The following TOP1 variants were observed in gnomAD, a reference collection of about 807,000 sequenced individuals.
The protein encoded by TOP1 is DNA topoisomerase I, also known as DNA topoisomerase 1.
A neutral mutation model predicts 111.1 loss-of-function variants in TOP1; 10 were observed. That is an observed-to-expected ratio of 0.09 (90% CI 0.06 to 0.15). The LOEUF (loss-of-function observed/expected upper bound fraction) is 0.15, where lower values mean the gene tolerates loss of function less well. Among genes scored for constraint, TOP1 ranks in the 10% least tolerant of loss-of-function variants. The pLI is 1.00. For synonymous variants in TOP1, 271 were observed against 302.9 expected (o/e 0.89, Z 1.10); for missense variants, 474 against 926.7 (o/e 0.51, Z 6.34).
chr20:41,053,441 G>C (rs1174861688), intron 2 of TOP1, among the ~76,000 whole-genome samples: 2 of 152,124 alleles, frequency 1.3e-5, no homozygotes, highest in African/African-American at 2.4e-5. Context: ...CCTAGATTCA[G>C]TATTTTTACT....
intron 3 of TOP1, chr20:41,073,260 A>G (rs2033687953): frequency 2.0e-6 from 2 of 985,356 alleles, no homozygotes; most frequent in Non-Finnish European, 2.4e-6. Context: ...ATTCTAAGAA[A>G]TGCTTTCACT....
intron 14 of TOP1, among the ~76,000 whole-genome samples, chr20:41,113,702 TCTA>T (rs1474045189): frequency 2.1e-5 from 3 of 143,632 alleles, no homozygotes; most frequent in African/African-American, 7.5e-5. Context: ...AAACCCCATC[TCTA>T]CTAAAAATAC....
At chr20:41,096,598 A>G (rs2033986191) in intron 9 of TOP1, among the ~76,000 whole-genome samples, 1 of 152,190 alleles carries the variant, frequency 6.6e-6, no homozygotes, top group South Asian at 2.1e-4. Context: ...AAACTCCCAC[A>G]TGATGCCAAT....
In TOP1 at chr20:41,116,091, A is replaced by G. The variant is rs1258843413; in HGVS notation, c.1708-187A>G. 6.6e-6 allele frequency among the ~76,000 whole-genome samples: 1 copy of G among 152,160 alleles called. No homozygotes were observed. The highest frequency in any genetic ancestry group is 1.5e-5 in the Non-Finnish European group (1 of 68,018). ...TGTCATACACACACACAAAGATTGA[A>G]ATACTTCATAGAGAGGCATCATGTA... On this transcript the variant is annotated intron_variant, in intron 16 of 20. Coordinates refer to ENST00000361337, the MANE Select transcript of TOP1 (RefSeq NM_003286.4). This position sits in a 1 kb window ranked among gnomAD's most constrained non-coding sequence, Gnocchi z 5.6.
rs2033972527 is a variant in TOP1 at position 41,095,643 on chromosome 20, C to T, written c.731-1577C>T. Reference sequence around the variant, plus strand: ...TTCAATATTGTGCTACAGTTCTCTACACCCCTGCAAAGTCAGATTGCATAT... The same window carrying T: ...TTCAATATTGTGCTACAGTTCTCTATACCCCTGCAAAGTCAGATTGCATAT... On this transcript the variant is annotated intron_variant, in intron 9 of 20. Transcript: ENST00000361337. This position sits in a 1 kb window ranked among gnomAD's most constrained non-coding sequence, Gnocchi z 4.6. Among the ~76,000 whole-genome samples, 1 of 152,196 alleles carries T rather than the reference C, an allele frequency of 6.6e-6. No individual in the cohort carries two copies. Among genetic ancestry groups the T allele is most frequent in the Non-Finnish European group, 1.5e-5 (1 of 68,044 alleles).
intron 8 of TOP1, among the ~76,000 whole-genome samples, chr20:41,088,980 G>A (rs1254194098): frequency 2.9e-5 from 4 of 137,364 alleles, no homozygotes; most frequent in African/African-American, 1.1e-4. Context: ...CTGAAACTCT[G>A]TAGTTATTAA....
chr20:41,093,089 A>G (rs2033939743), intron 9 of TOP1, among the ~76,000 whole-genome samples: 7 of 152,148 alleles, frequency 4.6e-5, no homozygotes, highest in Admixed American at 4.6e-4. Context: ...GCATAACACT[A>G]TGCCTTTGAT....
At chr20:41,041,884 G>GAGT (rs1478794359) in intron 2 of TOP1, among the ~76,000 whole-genome samples, 36 of 125,000 alleles carry the variant, frequency 2.9e-4, no homozygotes, top group African/African-American at 1.3e-3. Context: ...AAAGCTTACA[G>GAGT]GGTGATGATG....
chr20:41,085,720 A>T (rs1326625780), intron 8 of TOP1, among the ~76,000 whole-genome samples: 3 of 152,104 alleles, frequency 2.0e-5, no homozygotes, highest in African/African-American at 7.2e-5. Context: ...AGCCTTCCAA[A>T]CCTGTTTATG....
Position 41,075,413 on chromosome 20 carries a change from C to T in TOP1, c.156-758C>T, listed in dbSNP as rs550287404. On this transcript the variant is annotated intron_variant, in intron 3 of 20. Coordinates refer to ENST00000361337, the MANE Select transcript of TOP1 (RefSeq NM_003286.4). ...GTCTCAGTCTCCTGACCTCGTGATC[C>T]GCCTGCCTCGGCCTTCCAAAGTGCT... 2.4e-4 allele frequency among the ~76,000 whole-genome samples: 37 copies of T among 152,286 alleles called. 1 individual carries two copies. The highest frequency in any genetic ancestry group is 8.4e-4 in the African/African-American group (35 of 41,556).
Position 41,084,506 on chromosome 20 carries a change from A to T in TOP1, c.552A>T (p.Lys184Asn). ...CCAAGAATAAAGATAAAGATAAAAA[A>T]GTTCCTGAGCCAGATAACAAGAAAA... ...KKPKNKDKDK[K>N]VPEPDNKKKK... is the part of the protein sequence containing the mutation. The change falls in exon 8 of 21, where the codon AAA (lysine) becomes AAT (asparagine). Residue 184 changes from lysine to asparagine, a missense_variant. Physicochemically the swap from Lys to Asn is moderately conservative, Grantham distance 94. Transcript: ENST00000361337. 3 of 1,578,428 alleles carry T rather than the reference A, an allele frequency of 1.9e-6. No homozygotes were observed. The highest frequency in any genetic ancestry group is 2.6e-6 in the Non-Finnish European group (3 of 1,161,520).
chr20:41,068,702 A>C (rs1028214946), intron 3 of TOP1, among the ~76,000 whole-genome samples: 1 of 151,622 alleles, frequency 6.6e-6, no homozygotes, highest in Non-Finnish European at 1.5e-5. Flanking sequence ...GCCCTCTTTT[A>C]AAAAATACAT....
Position 41,101,117 on chromosome 20 carries a change from T to G in TOP1, c.1164-92T>G, listed in dbSNP as rs1013295520. ...ACTGTTAAGAAGGAAACTTGGAAAATTATGCTCAGCAGATAGGTCCACTTG... is the reference window on the plus strand; with the variant it reads ...ACTGTTAAGAAGGAAACTTGGAAAAGTATGCTCAGCAGATAGGTCCACTTG... On this transcript the variant is annotated intron_variant, in intron 12 of 20. Coordinates refer to ENST00000361337, the MANE Select transcript of TOP1 (RefSeq NM_003286.4). The surrounding 1 kb of genome is among the most constrained non-coding windows in gnomAD (Gnocchi z 4.1). 7.1e-7 allele frequency: 1 copy of G among 1,407,092 alleles called. No homozygotes were observed. Among genetic ancestry groups the G allele is most frequent in the South Asian group, 1.3e-5 (1 of 79,080 alleles). 87.2% of individuals were successfully genotyped at this position (1,407,092 alleles called of 1,614,324 possible). A position where few individuals can be genotyped will look rare whatever the true frequency, so the allele number is the denominator to read the frequency against.
At position 41,076,165 on chromosome 20, in the gene TOP1, T is replaced by C. The variant is rs2033725156; in HGVS notation, c.156-6T>C. 6.2e-7 allele frequency: 1 copy of C among 1,606,226 alleles called. No homozygotes were observed. Among genetic ancestry groups the C allele is most frequent in the Admixed American group, 1.7e-5 (1 of 58,526 alleles). On this transcript the variant is annotated splice_polypyrimidine_tract_variant and splice_region_variant and intron_variant, in intron 3 of 20. Coordinates refer to ENST00000361337, the MANE Select transcript of TOP1 (RefSeq NM_003286.4). ...GGCTAACGCTTTGTGACTTAACTTT[T>C]TACAGTGAACATAAAGATTCTGAAA...
chr20:41,065,301 C>G (rs532946038), intron 3 of TOP1, among the ~76,000 whole-genome samples: 33 of 152,330 alleles, frequency 2.2e-4, no homozygotes, highest in Admixed American at 1.0e-3. Context: ...AGTGGATGAT[C>G]TATGGGTACA....
intron 3 of TOP1, among the ~76,000 whole-genome samples, chr20:41,074,936 T>A (rs1418331478): frequency 6.6e-6 from 1 of 152,262 alleles, no homozygotes; most frequent in Non-Finnish European, 1.5e-5. Context: ...TTTGACCACA[T>A]GCATGTTTTT....
chr20:41,087,407 A>C (rs1301646136), intron 8 of TOP1, among the ~76,000 whole-genome samples: 2 of 152,246 alleles, frequency 1.3e-5, no homozygotes, highest in African/African-American at 4.8e-5. Flanking sequence ...TTGCCAGTTA[A>C]TTCTCAACAG....
chr20:41,033,000 C>G lies in TOP1; in HGVS notation c.58+3545C>G, dbSNP rs896859286. On this transcript the variant is annotated intron_variant, in intron 2 of 20. Coordinates refer to ENST00000361337, the MANE Select transcript of TOP1 (RefSeq NM_003286.4). The surrounding 1 kb of genome is among the most constrained non-coding windows in gnomAD (Gnocchi z 4.3). ...GTGGTTTTCTTCCCTTACATTGCAA[C>G]TGGACTCCTTGAGGCACCTTTTTAG... Among the ~76,000 whole-genome samples the G allele has an allele frequency of 6.6e-6, 1 of 152,186 alleles. No individual in the cohort carries two copies. The highest frequency in any genetic ancestry group is 2.4e-5 in the African/African-American group (1 of 41,446).
At chr20:41,048,843 A>AG (rs1230835041) in intron 2 of TOP1, among the ~76,000 whole-genome samples, 1 of 152,222 alleles carries the variant, frequency 6.6e-6, no homozygotes, top group Non-Finnish European at 1.5e-5. Context: ...AACCAGAGGA[A>AG]GATAAGAAGA....
Sources: gnomAD v4.1 joint callset for allele counts (sites outside exome capture counted in the v4.1 genomes callset) on GRCh38, gnomAD v4.1.1 for gene constraint, Gnocchi (gnomAD v3.1) non-coding constraint, MANE v1.5 for transcripts, NCBI Gene and HGNC (gene_info 2026-07-23, HGNC 2026-07-21) for gene names.